The following GRID2 variants were observed in gnomAD, a reference collection of about 807,000 sequenced individuals.
GRID2 encodes the protein glutamate ionotropic receptor delta type subunit 2.
A neutral mutation model predicts 114.8 loss-of-function variants in GRID2; 33 were observed. The observed-to-expected ratio is 0.29, with a 90% CI of 0.22 to 0.38. The LOEUF (loss-of-function observed/expected upper bound fraction) is 0.38, where lower values mean the gene tolerates loss of function less well. Ranked by LOEUF, GRID2 falls within the 10% of genes least tolerant of loss-of-function variation. GRID2 has a pLI of 1.00. For synonymous variants in GRID2, 505 were observed against 449.9 expected (o/e 1.12, Z -1.55); for missense variants, 1,184 against 1,257.7 (o/e 0.94, Z 0.89).
At position 92,870,970 on chromosome 4, in the gene GRID2, G is replaced by C. The variant is rs148583837; in HGVS notation, c.245-214025G>C. 3.5e-3 allele frequency among the ~76,000 whole-genome samples: 540 copies of C among 152,222 alleles called. 2 individuals are homozygous for C. The highest frequency in any genetic ancestry group is 0.012 in the African/African-American group (515 of 41,554). The stretch of plus-strand genomic sequence containing the variant: ...TGGTGTTTTATTGTACTATTCAAAA[G>C]TGCTAAATAAAAAATTCTTCTAAAC... On this transcript the variant is annotated intron_variant, in intron 2 of 15. Transcript: ENST00000282020.
At chr4:92,429,423 G>A (rs1279129141) in intron 1 of GRID2, among the ~76,000 whole-genome samples, 2 of 152,234 alleles carry the variant, frequency 1.3e-5, no homozygotes, top group East Asian at 1.9e-4. Flanking sequence ...CAAATGACAA[G>A]AACTTAATTC....
At chr4:93,140,674 A>G (rs1735692521) in intron 4 of GRID2, among the ~76,000 whole-genome samples, 1 of 152,258 alleles carries the variant, frequency 6.6e-6, no homozygotes, top group South Asian at 2.1e-4. Context: ...AAATTTGTAT[A>G]GTCACCTTAA....
intron 2 of GRID2, among the ~76,000 whole-genome samples, chr4:92,622,585 T>A (rs980776500): frequency 6.6e-6 from 1 of 151,752 alleles, no homozygotes; most frequent in Admixed American, 6.6e-5. Context: ...AAAGTGAACA[T>A]CAGTCCCTCA....
intron 13 of GRID2, among the ~76,000 whole-genome samples, chr4:93,565,098 A>G (rs1336706514): frequency 6.6e-6 from 1 of 152,110 alleles, no homozygotes; most frequent in African/African-American, 2.4e-5. Flanking sequence ...AACTTTATAT[A>G]AATATTTCCT....
At chr4:93,236,282 T>C (rs576763131) in intron 7 of GRID2, among the ~76,000 whole-genome samples, 45 of 152,094 alleles carry the variant, frequency 3.0e-4, no homozygotes, top group Non-Finnish European at 5.4e-4. Context: ...ATATTGCCCT[T>C]ATCAAAAATA....
intron 2 of GRID2, among the ~76,000 whole-genome samples, chr4:92,894,301 T>C (rs371467526): frequency 7.6e-4 from 115 of 152,268 alleles, no homozygotes; most frequent in Non-Finnish European, 1.1e-3. Context: ...TTTATTTGCT[T>C]ATTATTTTTC....
chr4:92,414,787 A>C (rs1731514677), intron 1 of GRID2, among the ~76,000 whole-genome samples: 1 of 152,136 alleles, frequency 6.6e-6, no homozygotes, highest in South Asian at 2.1e-4. Context: ...GTCTAACATT[A>C]AATTTATTGT....
At chr4:93,161,326 A>G (rs564789614) in intron 4 of GRID2, among the ~76,000 whole-genome samples, 43 of 151,938 alleles carry the variant, frequency 2.8e-4, no homozygotes, top group African/African-American at 9.4e-4. Context: ...GCAGAAATGT[A>G]ATTTTCCAGC....
At chr4:93,488,823 A>C (rs566376235) in intron 11 of GRID2, among the ~76,000 whole-genome samples, 1 of 152,026 alleles carries the variant, frequency 6.6e-6, no homozygotes, top group Non-Finnish European at 1.5e-5. Context: ...CCTTTCTTCC[A>C]TGCATGTGCA....
At chr4:92,428,317 T>C (rs547466753) in intron 1 of GRID2, among the ~76,000 whole-genome samples, 1 of 152,236 alleles carries the variant, frequency 6.6e-6, no homozygotes, top group Non-Finnish European at 1.5e-5. Flanking sequence ...TTGGCATTTA[T>C]TTTTCAAGTT....
chr4:92,963,256 C>T (rs570342675), intron 2 of GRID2, among the ~76,000 whole-genome samples: 7 of 152,042 alleles, frequency 4.6e-5, no homozygotes, highest in Admixed American at 6.6e-5. Context: ...TTATCAATTG[C>T]CTCTTTGTTT....
intron 13 of GRID2, among the ~76,000 whole-genome samples, chr4:93,565,870 C>T (rs1333382405): frequency 6.6e-6 from 1 of 152,114 alleles, no homozygotes; most frequent in Non-Finnish European, 1.5e-5. Flanking sequence ...CACAATCACG[C>T]ACATGCACAT....
intron 14 of GRID2, among the ~76,000 whole-genome samples, chr4:93,627,772 A>G (rs1455706646): frequency 6.6e-6 from 1 of 152,242 alleles, no homozygotes; most frequent in African/African-American, 2.4e-5. Flanking sequence ...TGGATGTGGC[A>G]TATGTTCCAT....
chr4:92,382,393 C>T (rs1444081925), intron 1 of GRID2, among the ~76,000 whole-genome samples: 2 of 151,972 alleles, frequency 1.3e-5, no homozygotes, highest in African/African-American at 4.8e-5. Context: ...CTATAGTGTG[C>T]TTTCTGAATG....
intron 14 of GRID2, among the ~76,000 whole-genome samples, chr4:93,661,797 C>T (rs538145182): frequency 5.9e-5 from 9 of 152,192 alleles, no homozygotes; most frequent in African/African-American, 2.2e-4. Flanking sequence ...CCCTTGCTTC[C>T]ACTCTGGCTC....
intron 2 of GRID2, among the ~76,000 whole-genome samples, chr4:92,954,056 T>G (rs1188311450): frequency 6.6e-6 from 1 of 152,198 alleles, no homozygotes; most frequent in Non-Finnish European, 1.5e-5. Context: ...AACTGTGGCA[T>G]GTATGCACAA....
At chr4:92,852,975 A>G (rs1175307305) in intron 2 of GRID2, among the ~76,000 whole-genome samples, 1 of 151,950 alleles carries the variant, frequency 6.6e-6, no homozygotes, top group Non-Finnish European at 1.5e-5. Flanking sequence ...AATTCTTTGT[A>G]TTTTAATATG....
At chr4:92,768,987 C>A (rs1165852330) in intron 2 of GRID2, among the ~76,000 whole-genome samples, 1 of 152,200 alleles carries the variant, frequency 6.6e-6, no homozygotes, top group African/African-American at 2.4e-5. Flanking sequence ...TCTGAACAGT[C>A]TCCCAAAGTC....
intron 1 of GRID2, among the ~76,000 whole-genome samples, chr4:92,487,753 T>TTTGG (rs1560664926): frequency 6.6e-6 from 1 of 151,050 alleles, no homozygotes; most frequent in Non-Finnish European, 1.5e-5. Flanking sequence ...GTTGTGGGTT[T>TTTGG]TTTGTTTGTT....
Sources: gnomAD v4.1 joint callset for allele counts (sites outside exome capture counted in the v4.1 genomes callset) on GRCh38, gnomAD v4.1.1 for gene constraint, MANE v1.5 for transcripts, NCBI Gene and HGNC (gene_info 2026-07-23, HGNC 2026-07-21) for gene names.